The following GTF2H1 variants were observed in gnomAD, a reference collection of about 807,000 sequenced individuals.
GTF2H1 encodes general transcription factor IIH subunit 1.
In GTF2H1, 16 loss-of-function variants were observed where a neutral mutation model predicts 71.2. The ratio of observed to expected loss-of-function variants is 0.22; its 90% CI spans 0.15 to 0.34. The LOEUF is 0.34. Among genes scored for constraint, GTF2H1 ranks in the 10% least tolerant of loss-of-function variants. The pLI, the probability that GTF2H1 is intolerant of heterozygous loss-of-function variation, is 1.00. For missense variants in GTF2H1, 498 were observed against 648.2 expected (o/e 0.77, Z 2.52); for synonymous variants, 215 against 219.0 (o/e 0.98, Z 0.16).
At position 18,365,856 on chromosome 11, in the gene GTF2H1, T is replaced by G. The variant is rs1565023233; in HGVS notation, c.1634T>G (p.Met545Arg). The G allele has an allele frequency of 6.2e-7, 1 of 1,612,560 alleles. No homozygotes were observed. The highest frequency in any genetic ancestry group is 1.7e-5 in the Admixed American group (1 of 59,956). ...CACACATGGCAGTCACGGCGTCTGATGAAGAAAACGTGAGGTGGCCATGAT... is the reference window on the plus strand; with the variant it reads ...CACACATGGCAGTCACGGCGTCTGAGGAAGAAAACGTGAGGTGGCCATGAT... ...KLHTWQSRRL[M>R]KKT Residue 545 changes from methionine (M) to arginine (R), a missense_variant, in exon 15 of 15, where the codon ATG becomes AGG. By Grantham distance (91) the Met-to-Arg change is moderately conservative. Around this residue, in one of 3 missense-constraint regions of GTF2H1, gnomAD observed 266 missense variants for 301.6 expected, o/e 0.88. Coordinates refer to ENST00000265963, the MANE Select transcript of GTF2H1 (RefSeq NM_005316.4).
intron 13 of GTF2H1, 21 bp downstream of exon 13, chr11:18,358,661 C>A: frequency 1.4e-6 from 2 of 1,400,946 alleles, no homozygotes; most frequent in Non-Finnish European, 2.0e-6. Flanking sequence ...GTTCTGAAGA[C>A]AGCCAGATAA....
At chr11:18,359,157 A>G (rs1374700236) in intron 13 of GTF2H1, among the ~76,000 whole-genome samples, 1 of 152,244 alleles carries the variant, frequency 6.6e-6, no homozygotes, top group Non-Finnish European at 1.5e-5. Context: ...AACACTTTAC[A>G]AGCAACTCAC....
chr11:18,341,193 G>A (rs886334650), intron 5 of GTF2H1, 68 bp from the exon 6 acceptor site: 14 of 1,234,806 alleles, frequency 1.1e-5, no homozygotes, highest in Non-Finnish European at 1.6e-5. Flanking sequence ...TTGTATTTCA[G>A]TTACCTAATT....
intron 9 of GTF2H1, chr11:18,348,289 A>G (rs991175637): frequency 1.1e-5 from 4 of 349,454 alleles, no homozygotes; most frequent in Admixed American, 4.6e-5. Context: ...TTTTTCAAAG[A>G]AAGTGAATTG....
chr11:18,335,218 C>CATAGTG (rs1565006756), intron 2 of GTF2H1, among the ~76,000 whole-genome samples: 1 of 152,150 alleles, frequency 6.6e-6, no homozygotes, highest in Non-Finnish European at 1.5e-5. Flanking sequence ...GTTCCATCAC[C>CATAGTG]TCAGAAAGCA....
In GTF2H1 at chr11:18,333,130, A is replaced by G; in HGVS notation, c.56A>G (p.Lys19Arg). 1 of 1,613,184 alleles carries G rather than the reference A, an allele frequency of 6.2e-7. No homozygotes were observed. Among genetic ancestry groups the G allele is most frequent in the Non-Finnish European group, 8.5e-7 (1 of 1,179,830 alleles). ...LLIVKKVRQK[K>R]QDGALYLMAE... ...ATTGTAAAGAAAGTGCGTCAAAAGA[A>G]GCAGGATGGAGCTCTGTACCTCATG... The change falls in exon 2 of 15, where the codon AAG (lysine) becomes AGG (arginine). Residue 19 changes from lysine (K) to arginine (R), a missense_variant. By Grantham distance (26) the Lys-to-Arg change is conservative (BLOSUM62 2). Transcript: ENST00000265963.
intron 4 of GTF2H1, 95 bp downstream of exon 4, chr11:18,338,369 C>T (rs1317981696): frequency 2.6e-6 from 2 of 773,222 alleles, no homozygotes; most frequent in Non-Finnish European, 4.3e-6. Flanking sequence ...TTAGCATTTC[C>T]TTAAAGGAAA....
chr11:18,341,510 A>G lies in GTF2H1; in HGVS notation c.758-18A>G. The G allele has an allele frequency of 3.1e-6, 5 of 1,607,114 alleles. No homozygotes were observed. Among genetic ancestry groups the G allele is most frequent in the African/African-American group, 1.3e-5 (1 of 74,622 alleles). On this transcript the variant is annotated intron_variant, in intron 6 of 14. Coordinates refer to ENST00000265963, the MANE Select transcript of GTF2H1 (RefSeq NM_005316.4). ...ACAGATAAGACATGCTGAACTTTTT[A>G]TTTTGTTGATTTTCTAGGCCTAAAA...
chr11:18,335,295 A>G (rs1864999542), intron 2 of GTF2H1, among the ~76,000 whole-genome samples: 1 of 152,230 alleles, frequency 6.6e-6, no homozygotes, highest in Non-Finnish European at 1.5e-5. Flanking sequence ...TGGTGACACC[A>G]GATTTCTCGA....
chr11:18,360,312 G>A (rs947439425), intron 13 of GTF2H1, among the ~76,000 whole-genome samples: 20 of 151,968 alleles, frequency 1.3e-4, no homozygotes, highest in African/African-American at 4.8e-4. Flanking sequence ...TAGCGGAGAC[G>A]GGGTTTCACC....
intron 2 of GTF2H1, 54 bp from the exon 3 acceptor site, chr11:18,335,700 G>A: frequency 2.3e-6 from 3 of 1,292,864 alleles, no homozygotes; most frequent in Non-Finnish European, 3.3e-6. Flanking sequence ...TTACTGTATG[G>A]TTATTCCCAC....
At chr11:18,346,389 T>C (rs1476401564) in intron 7 of GTF2H1, among the ~76,000 whole-genome samples, 1 of 152,188 alleles carries the variant, frequency 6.6e-6, no homozygotes, top group Non-Finnish European at 1.5e-5. Flanking sequence ...TCCGATCTAC[T>C]TGGCAAGCAC....
intron 10 of GTF2H1, 50 bp downstream of exon 10, chr11:18,352,019 A>G: frequency 1.1e-6 from 1 of 894,684 alleles, no homozygotes; most frequent in South Asian, 1.3e-5. Context: ...ATTCAGTCCA[A>G]AATATATCCT....
At chr11:18,331,785 T>A (rs559128662) in intron 1 of GTF2H1, among the ~76,000 whole-genome samples, 2 of 152,292 alleles carry the variant, frequency 1.3e-5, no homozygotes, top group South Asian at 4.1e-4. Context: ...TCCTAATACT[T>A]ATTTTCCCAT....
chr11:18,360,962 C>T (rs1328589358), intron 14 of GTF2H1, among the ~76,000 whole-genome samples: 2 of 151,926 alleles, frequency 1.3e-5, no homozygotes, highest in South Asian at 2.1e-4. Context: ...CATGCTGCCA[C>T]GCCCAGCTAA....
intron 9 of GTF2H1, chr11:18,348,310 T>C: frequency 6.5e-6 from 2 of 308,522 alleles, no homozygotes; most frequent in Non-Finnish European, 1.2e-5. Context: ...GCCCTCATGT[T>C]AAACCTAGCA....
At chr11:18,355,376 C>T (rs1266567769) in intron 11 of GTF2H1, among the ~76,000 whole-genome samples, 1 of 151,976 alleles carries the variant, frequency 6.6e-6, no homozygotes, top group Non-Finnish European at 1.5e-5. Context: ...ATCTCCTGAC[C>T]TCGTGATCCA....
intron 13 of GTF2H1, among the ~76,000 whole-genome samples, chr11:18,359,708 T>C (rs1055453037): frequency 6.6e-6 from 1 of 152,018 alleles, no homozygotes; most frequent in Non-Finnish European, 1.5e-5. Context: ...ACAATAATTA[T>C]TTTATTTTAT....
At chr11:18,355,137 A>AT (rs1056864076) in intron 11 of GTF2H1, among the ~76,000 whole-genome samples, 214 of 134,134 alleles carry the variant, frequency 1.6e-3, no homozygotes, top group Admixed American at 2.3e-3. Context: ...ATTTTTCTTT[A>AT]TTTTTTTTTT....
Sources: gnomAD v4.1 joint callset for allele counts (sites outside exome capture counted in the v4.1 genomes callset) on GRCh38, gnomAD v4.1.1 for gene constraint, gnomAD v4.1.1 regional missense constraint, MANE v1.5 for transcripts, NCBI Gene and HGNC (gene_info 2026-07-23, HGNC 2026-07-21) for gene names.